UGT8: variants seen among roughly 807,000 people sequenced by gnomAD.
UGT8 encodes UDP glycosyltransferase 8.
In UGT8, 12 loss-of-function variants were observed where a neutral mutation model predicts 40.5. That is an observed-to-expected ratio of 0.30 (90% CI 0.19 to 0.48). UGT8 has a LOEUF of 0.48. Among genes scored for constraint, UGT8 ranks in the 20% least tolerant of loss-of-function variants. The probability of loss-of-function intolerance (pLI) is 0.99; values close to 1 mark genes in which losing one functional copy is unlikely to be tolerated. For synonymous variants in UGT8, 224 were observed against 240.4 expected, an observed-to-expected ratio of 0.93 and a Z score of 0.63; for missense variants, 513 against 648.7, an observed-to-expected ratio of 0.79 and a Z score of 2.27.
chr4:114,623,606 G>A lies in UGT8; in HGVS notation c.726G>A (p.Leu242=), dbSNP rs1731992037. The change falls in exon 2 of 6, where the codon CTG becomes CTA. Residue 242 remains leucine (L), a synonymous_variant. Transcript: ENST00000310836. ...DLVHGSSLWM[L]CTDVALEFPR... ...TTCATGGGTCCAGCCTGTGGATGCTGTGTACTGACGTAGCACTGGAATTCC... is the reference window on the plus strand; with the variant it reads ...TTCATGGGTCCAGCCTGTGGATGCTATGTACTGACGTAGCACTGGAATTCC... 6.2e-7 allele frequency: 1 copy of A among 1,614,016 alleles called. No individual in the cohort carries two copies. The highest frequency in any genetic ancestry group is 1.1e-5 in the South Asian group (1 of 91,072).
At chr4:114,628,382 CA>C (rs1217299937) in intron 2 of UGT8, among the ~76,000 whole-genome samples, 1 of 152,010 alleles carries the variant, frequency 6.6e-6, no homozygotes, top group Non-Finnish European at 1.5e-5. Context: ...TCAAGTGATT[CA>C]GCCACCTTGG....
In UGT8 at chr4:114,676,379, C is replaced by A; in HGVS notation, c.*91C>A. On this transcript the variant is annotated 3_prime_UTR_variant, in exon 6 of 6. Coordinates refer to ENST00000310836, the MANE Select transcript of UGT8 (RefSeq NM_001128174.3). The stretch of plus-strand genomic sequence containing the variant: ...CTAACAGCTACTAAAAGTAAAACAT[C>A]AGTAAACAATTCTAACATGCCCTTA... The A allele has an allele frequency of 8.9e-7, 1 of 1,121,314 alleles. No individual in the cohort carries two copies. The highest frequency in any genetic ancestry group is 2.4e-5 in the East Asian group (1 of 42,020). The allele number at this position is 1,121,314 out of a possible 1,614,324, so 69.5% of individuals were successfully genotyped here. A position where few individuals can be genotyped will look rare whatever the true frequency, so the allele number is the denominator to read the frequency against.
intron 1 of UGT8, among the ~76,000 whole-genome samples, chr4:114,619,085 T>A (rs1318005099): frequency 2.6e-5 from 4 of 152,218 alleles, no homozygotes; most frequent in Non-Finnish European, 5.9e-5. Context: ...TATTCTCTCT[T>A]CTTTTTATAT....
At chr4:114,650,516 A>G (rs1280293019) in intron 2 of UGT8, among the ~76,000 whole-genome samples, 1 of 152,234 alleles carries the variant, frequency 6.6e-6, no homozygotes, top group East Asian at 1.9e-4. Flanking sequence ...ACTGCAACTA[A>G]CAAATATATT....
At position 114,623,362 on chromosome 4, in the gene UGT8, GC is replaced by G; in HGVS notation, c.484del (p.Leu162PhefsTer13). ...GTTAAATATGCTGTATTTTCAACTG[GC>G]CTTTGGTATCCTGCTGAAGTGGGTG... ...LGVKYAVFST[G>X]LWYPAEVGAP... On this transcript the variant is annotated frameshift_variant, in exon 2 of 6. Transcript: ENST00000310836. LOFTEE classifies it high-confidence loss of function. 1 of 1,614,114 alleles carries G rather than the reference GC, an allele frequency of 6.2e-7. No homozygotes were observed. Among genetic ancestry groups the G allele is most frequent in the Non-Finnish European group, 8.5e-7 (1 of 1,179,998 alleles).
At chr4:114,632,206 A>G (rs1373759428) in intron 2 of UGT8, among the ~76,000 whole-genome samples, 5 of 152,228 alleles carry the variant, frequency 3.3e-5, no homozygotes, top group African/African-American at 1.2e-4. Flanking sequence ...TAGAGAGTTA[A>G]TTAGCTGGTT....
At chr4:114,666,946 C>G (rs1262583813) in intron 4 of UGT8, among the ~76,000 whole-genome samples, 1 of 152,164 alleles carries the variant, frequency 6.6e-6, no homozygotes, top group African/African-American at 2.4e-5. Flanking sequence ...GGAACCAAAT[C>G]AATGTCTTTC....
chr4:114,655,407 G>C (rs1306905267), intron 2 of UGT8, among the ~76,000 whole-genome samples: 1 of 151,986 alleles, frequency 6.6e-6, no homozygotes, highest in African/African-American at 2.4e-5. Flanking sequence ...AAAGATTATT[G>C]GTTACAGGGG....
At chr4:114,624,854 C>T (rs1578417668) in intron 2 of UGT8, among the ~76,000 whole-genome samples, 2 of 152,168 alleles carry the variant, frequency 1.3e-5, no homozygotes. Context: ...TATATACAGC[C>T]ACTGGAGGCC....
Position 114,655,186 on chromosome 4 carries a change from T to C in UGT8, c.823-8809T>C, listed in dbSNP as rs138018978. 5.6e-3 allele frequency among the ~76,000 whole-genome samples: 847 copies of C among 152,134 alleles called. 6 individuals carry two copies. Among genetic ancestry groups the C allele is most frequent in the Middle Eastern group, 0.017 (5 of 294 alleles). ...TCTAGATTTTTCCACAATAAACTTT[T>C]ATTTATTTAGTTTGCATCATCCAGA... On this transcript the variant is annotated intron_variant, in intron 2 of 5. Coordinates refer to ENST00000310836, the MANE Select transcript of UGT8 (RefSeq NM_001128174.3).
chr4:114,642,920 G>C (rs541403291), intron 2 of UGT8, among the ~76,000 whole-genome samples: 1 of 152,176 alleles, frequency 6.6e-6, no homozygotes, highest in Non-Finnish European at 1.5e-5. Flanking sequence ...TCTCTGATTA[G>C]TATCATACCT....
chr4:114,628,385 C>G (rs1385891518), intron 2 of UGT8, among the ~76,000 whole-genome samples: 1 of 152,050 alleles, frequency 6.6e-6, no homozygotes, highest in Non-Finnish European at 1.5e-5. Flanking sequence ...AGTGATTCAG[C>G]CACCTTGGCT....
chr4:114,642,383 A>G lies in UGT8; in HGVS notation c.822+18681A>G, dbSNP rs182406769. Among the ~76,000 whole-genome samples, 341 of 152,282 alleles carry G rather than the reference A, an allele frequency of 2.2e-3. 4 individuals are homozygous for G. The South Asian group carries it at 0.029, about 13-fold the overall frequency. ...ATGCTCAGCACATATTAGGCCCTCA[A>G]TGAGCAGTAGGTATTACTTAGCTTG... is the stretch of plus-strand genomic sequence containing the variant. On this transcript the variant is annotated intron_variant, in intron 2 of 5. Coordinates refer to ENST00000310836, the MANE Select transcript of UGT8 (RefSeq NM_001128174.3).
intron 1 of UGT8, among the ~76,000 whole-genome samples, chr4:114,606,734 A>T (rs116274981): frequency 0.013 from 1,936 of 152,270 alleles, 31 homozygotes; most frequent in African/African-American, 0.035. Context: ...GAAGCAGGGG[A>T]TAAGGACAAG....
rs1273040107 is a variant in UGT8 at position 114,677,350 on chromosome 4, A to G, written c.*1062A>G. On this transcript the variant is annotated 3_prime_UTR_variant, in exon 6 of 6. Transcript: ENST00000310836. ...CTATATTACATAGGTGCCAACATTT[A>G]ATTCTTTTAAATGGAACATTTGCAG... 1 of 152,184 alleles carries G rather than the reference A, an allele frequency of 6.6e-6. No individual in the cohort carries two copies. The highest frequency in any genetic ancestry group is 2.4e-5 in the African/African-American group (1 of 41,448). The allele number at this position is 152,184 out of a possible 1,614,324, so 9.4% of individuals were successfully genotyped here. A position where few individuals can be genotyped will look rare whatever the true frequency, so the allele number is the denominator to read the frequency against.
At chr4:114,649,312 C>T (rs1423867602) in intron 2 of UGT8, among the ~76,000 whole-genome samples, 2 of 152,128 alleles carry the variant, frequency 1.3e-5, no homozygotes, top group African/African-American at 4.8e-5. Context: ...TATTTACAGT[C>T]AATCAGAAGC....
At chr4:114,622,759 A>ATTAT in intron 1 of UGT8, 120 bp from the exon 2 acceptor site, 1 of 632,120 alleles carries the variant, frequency 1.6e-6, no homozygotes, top group Non-Finnish European at 2.4e-6. Context: ...TCTGTTCATG[A>ATTAT]TTTTTTTTTT....
intron 1 of UGT8, among the ~76,000 whole-genome samples, chr4:114,620,414 C>T (rs2126095759): frequency 6.6e-6 from 1 of 152,290 alleles, no homozygotes; most frequent in South Asian, 2.1e-4. Flanking sequence ...TTTCCTTCTT[C>T]AGATTTGTGA....
At chr4:114,618,767 A>C (rs1731589791) in intron 1 of UGT8, among the ~76,000 whole-genome samples, 3 of 152,200 alleles carry the variant, frequency 2.0e-5, no homozygotes, top group Admixed American at 2.0e-4. Context: ...AAAACTTTTA[A>C]CACTGTGCTA....
Sources: allele counts gnomAD v4.1 joint callset (sites outside exome capture counted in the v4.1 genomes callset), GRCh38; gene constraint gnomAD v4.1.1; transcripts MANE v1.5; gene names NCBI Gene and HGNC (gene_info 2026-07-23, HGNC 2026-07-21).